The following NEDD4L variants were observed in gnomAD, a reference collection of about 807,000 sequenced individuals.
NEDD4L encodes the protein NEDD4 like E3 ubiquitin protein ligase.
NEDD4L carries 54 observed loss-of-function variants against 148.9 expected under a neutral mutation model. That is an observed-to-expected ratio of 0.36 (90% CI 0.29 to 0.45). The LOEUF (loss-of-function observed/expected upper bound fraction) is 0.45. Among genes scored for constraint, NEDD4L ranks in the 20% least tolerant of loss-of-function variants. The probability of loss-of-function intolerance (pLI) is 1.00; values close to 1 mark genes in which losing one functional copy is unlikely to be tolerated. For missense variants in NEDD4L, 856 were observed against 1,233.8 expected (o/e 0.69, Z 4.59); for synonymous variants, 433 against 440.7 (o/e 0.98, Z 0.22).
At chr18:58,353,818 G>T (rs917881522) in intron 18 of NEDD4L, among the ~76,000 whole-genome samples, 5 of 152,164 alleles carry the variant, frequency 3.3e-5, no homozygotes, top group African/African-American at 9.7e-5. Context: ...CAGGAACCAG[G>T]TTATGCCCAC....
intron 1 of NEDD4L, among the ~76,000 whole-genome samples, chr18:58,105,248 C>T (rs2084998129): frequency 1.3e-5 from 2 of 152,142 alleles, no homozygotes; most frequent in South Asian, 4.1e-4. Flanking sequence ...AGCCCAGAAA[C>T]GCATAATGGG....
At chr18:58,266,198 C>T (rs191720390) in intron 5 of NEDD4L, among the ~76,000 whole-genome samples, 20 of 152,048 alleles carry the variant, frequency 1.3e-4, no homozygotes, top group Non-Finnish European at 2.4e-4. Flanking sequence ...GCAACCTAAA[C>T]CAAGTGCCAA....
At chr18:58,064,458 C>T (rs116793082) in intron 1 of NEDD4L, among the ~76,000 whole-genome samples, 1 of 152,160 alleles carries the variant, frequency 6.6e-6, no homozygotes, top group East Asian at 1.9e-4. Context: ...ACTCTATCAT[C>T]TGTGCTCAGG....
chr18:58,269,452 A>G (rs750995661), intron 5 of NEDD4L, among the ~76,000 whole-genome samples: 2 of 152,038 alleles, frequency 1.3e-5, no homozygotes, highest in Non-Finnish European at 2.9e-5. Context: ...TGGTCAGCAG[A>G]TTTTTAACTT....
intron 2 of NEDD4L, among the ~76,000 whole-genome samples, chr18:58,171,749 AGCATCTAGGAGAGGT>A (rs2037533227): frequency 6.6e-6 from 1 of 152,212 alleles, no homozygotes; most frequent in African/African-American, 2.4e-5. Flanking sequence ...ATCTCTCCCA[AGCATCTAGGAGAGGT>A]GCTTATTTCT....
chr18:58,295,288 C>T (rs992974167), intron 5 of NEDD4L, among the ~76,000 whole-genome samples: 1 of 152,208 alleles, frequency 6.6e-6, no homozygotes, highest in Admixed American at 6.5e-5. Context: ...GCCCCTAAAC[C>T]CTGGCAACCA....
intron 5 of NEDD4L, among the ~76,000 whole-genome samples, chr18:58,280,579 G>T (rs763683732): frequency 2.6e-5 from 4 of 152,230 alleles, no homozygotes; most frequent in Non-Finnish European, 5.9e-5. Flanking sequence ...CGGTTGTGCA[G>T]TGGATTCATG....
intron 2 of NEDD4L, among the ~76,000 whole-genome samples, chr18:58,182,678 C>T (rs913141696): frequency 2.6e-5 from 4 of 152,088 alleles, no homozygotes; most frequent in Non-Finnish European, 5.9e-5. Context: ...GATGGAGTTT[C>T]ACCATGTTGC....
intron 2 of NEDD4L, among the ~76,000 whole-genome samples, chr18:58,238,682 G>A (rs1420232506): frequency 2.0e-5 from 3 of 152,038 alleles, no homozygotes; most frequent in Non-Finnish European, 4.4e-5. Flanking sequence ...ATATTTACCT[G>A]CCTCTCTGAT....
intron 5 of NEDD4L, among the ~76,000 whole-genome samples, chr18:58,274,172 A>G (rs62094551): frequency 0.18 from 27,491 of 152,106 alleles, 2,621 homozygotes; most frequent in Non-Finnish European, 0.18. Context: ...GAGTGAAGCC[A>G]TCTTGGATGC....
chr18:58,306,031 T>G (rs905777593), intron 5 of NEDD4L, among the ~76,000 whole-genome samples: 1 of 152,034 alleles, frequency 6.6e-6, no homozygotes, highest in Non-Finnish European at 1.5e-5. Context: ...TCAAGAAGGG[T>G]GAGGAGTATG....
chr18:58,240,696 C>T lies in NEDD4L; in HGVS notation c.123-4731C>T, dbSNP rs564690034. 7.9e-5 allele frequency among the ~76,000 whole-genome samples: 12 copies of T among 152,218 alleles called. No individual in the cohort carries two copies. The East Asian group carries it at 1.5e-3, about 20-fold the overall frequency. On this transcript the variant is annotated intron_variant, in intron 2 of 30. Coordinates refer to ENST00000400345, the MANE Select transcript of NEDD4L (RefSeq NM_001144967.3). The stretch of plus-strand genomic sequence containing the variant: ...TTCAGAGCTTTCTTATTCTTTGGCG[C>T]GGAGGCCTTCCGTTGGGTCCCACTG...
At chr18:58,169,151 G>A (rs1256792334) in intron 2 of NEDD4L, among the ~76,000 whole-genome samples, 2 of 152,130 alleles carry the variant, frequency 1.3e-5, no homozygotes, top group African/African-American at 4.8e-5. Flanking sequence ...TGTCCTTTTC[G>A]GCCGTCTCGG....
At chr18:58,125,935 G>A (rs544008839) in intron 1 of NEDD4L, among the ~76,000 whole-genome samples, 71 of 152,328 alleles carry the variant, frequency 4.7e-4, no homozygotes, top group Non-Finnish European at 7.2e-4. Flanking sequence ...GGCAGGTCCC[G>A]CCACCCGGGC....
At chr18:58,115,828 A>C (rs185933036) in intron 1 of NEDD4L, among the ~76,000 whole-genome samples, 77 of 152,356 alleles carry the variant, frequency 5.1e-4, no homozygotes, top group Non-Finnish European at 6.6e-4. Context: ...CAAACTTGAC[A>C]TTATAGATCT....
chr18:58,295,951 T>C (rs1294852872), intron 5 of NEDD4L, among the ~76,000 whole-genome samples: 1 of 152,158 alleles, frequency 6.6e-6, no homozygotes, highest in African/African-American at 2.4e-5. Context: ...AAACAGTATT[T>C]CATTTTTGAT....
At position 58,320,174 on chromosome 18, in the gene NEDD4L, T is replaced by C. The variant is rs180696076; in HGVS notation, c.349-2251T>C. On this transcript the variant is annotated intron_variant, in intron 6 of 30. Transcript: ENST00000400345. ...CACTCTCTTGCATGTTCTCTGCTGC[T>C]CCTAGATTGCTCATGCCCACTGGTG... Among the ~76,000 whole-genome samples the C allele has an allele frequency of 2.6e-5, 4 of 152,340 alleles. No homozygotes were observed. In the East Asian group the frequency reaches 7.7e-4, roughly 29 times the overall value.
At chr18:58,388,847 A>G in intron 27 of NEDD4L, 3 of 533,574 alleles carry the variant, frequency 5.6e-6, no homozygotes, top group South Asian at 4.2e-5. Flanking sequence ...TATATCCGAT[A>G]CGACATGCCG....
intron 5 of NEDD4L, among the ~76,000 whole-genome samples, chr18:58,299,798 A>G (rs1360920897): frequency 1.3e-5 from 2 of 152,118 alleles, no homozygotes; most frequent in African/African-American, 4.8e-5. Context: ...TAAGAGTTTC[A>G]TGGTCAGCTG....
Sources: gnomAD v4.1 joint callset for allele counts (sites outside exome capture counted in the v4.1 genomes callset) on GRCh38, gnomAD v4.1.1 for gene constraint, MANE v1.5 for transcripts, NCBI Gene and HGNC (gene_info 2026-07-23, HGNC 2026-07-21) for gene names.